The following FBXO3 variants were observed in gnomAD, a reference collection of about 807,000 sequenced individuals.
FBXO3 encodes F-box only protein 3.
In FBXO3, 17 loss-of-function variants were observed where a neutral mutation model predicts 64.8. That is an observed-to-expected ratio of 0.26 (90% CI 0.18 to 0.39). The LOEUF is 0.39. Ranked by LOEUF, FBXO3 falls within the 10% of genes least tolerant of loss-of-function variation. The pLI is 1.00. For synonymous variants in FBXO3, 182 were observed against 201.6 expected (o/e 0.90, Z 0.82); for missense variants, 420 against 589.9 (o/e 0.71, Z 2.98).
intron 7 of FBXO3, 84 bp downstream of exon 7, chr11:33,751,439 G>T: frequency 1.1e-6 from 1 of 893,420 alleles, no homozygotes; most frequent in Non-Finnish European, 1.8e-6. Context: ...AACCTTCTTG[G>T]GAAACTTCAT....
intron 6 of FBXO3, among the ~76,000 whole-genome samples, chr11:33,752,175 C>T (rs141080220): frequency 1.3e-5 from 2 of 152,266 alleles, no homozygotes; most frequent in Non-Finnish European, 2.9e-5. Flanking sequence ...AATTGCACAG[C>T]GGTCCTCCAT....
At chr11:33,762,630 C>A (rs1384444534) in intron 3 of FBXO3, among the ~76,000 whole-genome samples, 4 of 149,488 alleles carry the variant, frequency 2.7e-5, no homozygotes, top group Non-Finnish European at 5.9e-5. Context: ...ACTTATGGGA[C>A]AAACTAATGT....
In FBXO3 at chr11:33,743,498, TG is replaced by T. The variant is rs1854736857; in HGVS notation, c.1240-1415del. On this transcript the variant is annotated intron_variant, in intron 10 of 10. Coordinates refer to ENST00000265651, the MANE Select transcript of FBXO3 (RefSeq NM_012175.4). The surrounding 1 kb of genome is among the most constrained non-coding windows in gnomAD (Gnocchi z 4.6). ...GACCTACTTGGTATTCTGGAAAGTATGGGGCAACTTGGGGCGTGATGTCAGC... is the reference window on the plus strand; with the variant it reads ...GACCTACTTGGTATTCTGGAAAGTATGGGCAACTTGGGGCGTGATGTCAGC... The T allele has an allele frequency of 6.6e-6, 1 of 152,280 alleles. No individual in the cohort carries two copies. The allele number at this position is 152,280 out of a possible 1,614,324, so 9.4% of individuals were successfully genotyped here.
At chr11:33,751,122 C>T (rs145375514) in intron 7 of FBXO3, among the ~76,000 whole-genome samples, 1 of 152,288 alleles carries the variant, frequency 6.6e-6, no homozygotes, top group East Asian at 1.9e-4. Context: ...ACCTCCAGTA[C>T]TCCCTACAAT....
chr11:33,758,300 G>C (rs370547291), intron 4 of FBXO3, among the ~76,000 whole-genome samples, 187 bp downstream of exon 4: 247 of 152,194 alleles, frequency 1.6e-3, no homozygotes, highest in Middle Eastern at 6.8e-3. Flanking sequence ...GTTTTTATGA[G>C]ATATATTTAT....
At chr11:33,765,817 C>G (rs1364709352) in intron 3 of FBXO3, among the ~76,000 whole-genome samples, 1 of 152,144 alleles carries the variant, frequency 6.6e-6, no homozygotes. Flanking sequence ...CCCCCTCTTC[C>G]TATTGATCTT....
chr11:33,755,660 A>ATTT, intron 5 of FBXO3, 111 bp downstream of exon 5: 1 of 786,876 alleles, frequency 1.3e-6, no homozygotes, highest in Non-Finnish European at 2.2e-6. Flanking sequence ...CTATAACTAA[A>ATTT]ATGCATAATA....
rs1346632289 is a variant in FBXO3, at chr11:33,746,812, C to A, written c.1239+318G>T. On this transcript the variant is annotated intron_variant, in intron 10 of 10. Transcript: ENST00000265651. ...TAAATTGGAAGTTTGAGCAAAAACA[C>A]TGTAAGAAGTTGTTTTCCCAGTCTT... The A allele has an allele frequency of 1.4e-5, 20 of 1,410,798 alleles. No homozygotes were observed. In the East Asian group the frequency reaches 4.3e-4, roughly 31 times the overall value. 87.4% of individuals were successfully genotyped at this position (1,410,798 alleles called of 1,614,324 possible). A position where few individuals can be genotyped will look rare whatever the true frequency, so the allele number is the denominator to read the frequency against.
chr11:33,742,234 A>G, intron 10 of FBXO3, 150 bp from the exon 11 acceptor site: 1 of 571,398 alleles, frequency 1.8e-6, no homozygotes. Flanking sequence ...CACAACACAC[A>G]TGCTGATGCA....
chr11:33,774,236 C>G, intron 1 of FBXO3, 158 bp downstream of exon 1: 2 of 627,318 alleles, frequency 3.2e-6, no homozygotes, highest in Non-Finnish European at 5.4e-6. Flanking sequence ...CCGTCTCGCC[C>G]CGGTCCCCGG....
intron 8 of FBXO3, among the ~76,000 whole-genome samples, 184 bp downstream of exon 8, chr11:33,750,355 G>A (rs1275016904): frequency 6.6e-6 from 1 of 152,176 alleles, no homozygotes; most frequent in African/African-American, 2.4e-5. Context: ...TTAACTTAGA[G>A]GTTAATATGA....
At chr11:33,755,743 G>T in intron 5 of FBXO3, 28 bp downstream of exon 5, 4 of 1,535,384 alleles carry the variant, frequency 2.6e-6, no homozygotes, top group Non-Finnish European at 2.7e-6. Context: ...ACATCTTAAT[G>T]CCATATTTAA....
At chr11:33,763,354 C>T (rs937598849) in intron 3 of FBXO3, 9 of 401,130 alleles carry the variant, frequency 2.2e-5, no homozygotes, top group African/African-American at 1.9e-4. Context: ...GTAAAAATTC[C>T]AATAAAATAC....
At chr11:33,764,176 C>G (rs7925488) in intron 3 of FBXO3, among the ~76,000 whole-genome samples, 43,749 of 152,066 alleles carry the variant, frequency 0.29, 6,705 homozygotes, top group African/African-American at 0.38. Flanking sequence ...GAGTACTATA[C>G]TGCAGCCAAA....
At chr11:33,773,359 C>T (rs896418971) in intron 1 of FBXO3, 1 of 152,224 alleles carries the variant, frequency 6.6e-6, no homozygotes, top group African/African-American at 2.4e-5. Context: ...TCTCTATCAC[C>T]ACTTAGCTAG....
intron 1 of FBXO3, chr11:33,772,498 A>C (rs537669995): frequency 1.3e-5 from 2 of 152,394 alleles, no homozygotes; most frequent in East Asian, 3.9e-4. Flanking sequence ...CAGCAACGCC[A>C]GCCTTCTGTA....
At chr11:33,757,436 A>G (rs1259168500) in intron 4 of FBXO3, among the ~76,000 whole-genome samples, 1 of 148,704 alleles carries the variant, frequency 6.7e-6, no homozygotes, top group African/African-American at 2.5e-5. Context: ...CAATATAGTA[A>G]GACCCCATCT....
chr11:33,774,461 G>A lies in FBXO3; in HGVS notation c.37C>T (p.Leu13=). 6.3e-7 allele frequency: 1 copy of A among 1,594,948 alleles called. No homozygotes were observed. Among genetic ancestry groups the A allele is most frequent in the South Asian group, 1.1e-5 (1 of 89,398 alleles). The change falls in exon 1 of 11, where the codon CTA becomes TTA. Residue 13 remains leucine, a synonymous_variant. Coordinates refer to ENST00000265651, the MANE Select transcript of FBXO3 (RefSeq NM_012175.4). ...AMETETAPLT[L]ESLPTDPLLL... ...AGGGGATCGGTGGGCAGCGACTCTA[G>A]GGTCAGCGGCGCCGTCTCGGTCTCC...
At chr11:33,754,256 T>C in intron 6 of FBXO3, 199 bp downstream of exon 6, 1 of 489,850 alleles carries the variant, frequency 2.0e-6, no homozygotes, top group Non-Finnish European at 3.6e-6. Context: ...CTAGCTTTTT[T>C]CAAAATTAAA....
Sources: gnomAD v4.1 joint callset for allele counts (sites outside exome capture counted in the v4.1 genomes callset) on GRCh38, gnomAD v4.1.1 for gene constraint, Gnocchi (gnomAD v3.1) non-coding constraint, MANE v1.5 for transcripts, NCBI Gene and HGNC (gene_info 2026-07-23, HGNC 2026-07-21) for gene names.